Variants in THAP10 observed in about 807,000 individuals in gnomAD.
The protein encoded by THAP10 is THAP domain-containing protein 10.
THAP10 carries 10 observed loss-of-function variants against 15.7 expected under a neutral mutation model. The ratio of observed to expected loss-of-function variants is 0.64; its 90% CI spans 0.39 to 1.08. THAP10 has a LOEUF of 1.08. THAP10 is among the 50% of genes least tolerant of loss of function. The probability of loss-of-function intolerance (pLI) is 0.01; values close to 1 mark genes in which losing one functional copy is unlikely to be tolerated. For missense variants in THAP10, 310 were observed against 330.9 expected, an observed-to-expected ratio of 0.94 and a Z score of 0.49; for synonymous variants, 127 against 129.1, an observed-to-expected ratio of 0.98 and a Z score of 0.11.
chr15:70,883,152 A>AT (rs1193727250), intron 1 of THAP10, among the ~76,000 whole-genome samples: 1 of 152,114 alleles, frequency 6.6e-6, no homozygotes, highest in African/African-American at 2.4e-5. Flanking sequence ...ATTTGCTTAC[A>AT]ACTAATTTTT....
chr15:70,888,112 T>A (rs2033458360), intron 1 of THAP10, among the ~76,000 whole-genome samples: 2 of 152,164 alleles, frequency 1.3e-5, no homozygotes, highest in Non-Finnish European at 2.9e-5. Context: ...TTTATTCCCA[T>A]ATTCATTTAT....
intron 1 of THAP10, among the ~76,000 whole-genome samples, chr15:70,884,777 AT>A (rs2033361836): frequency 6.6e-6 from 1 of 152,216 alleles, no homozygotes; most frequent in African/African-American, 2.4e-5. Context: ...GGTTAAAAAA[AT>A]AACTTTTATT....
Position 70,882,458 on chromosome 15 carries a change from CAT to C in THAP10, c.768_769del (p.Cys257LeufsTer9). The stretch of plus-strand genomic sequence containing the variant: ...AGAGCATTTGATGTTGAGTTTTTAA[CAT>C]GTTTCTTCTTTCACCTGTACAGCCA... On this transcript the variant is annotated frameshift_variant, in exon 3 of 3. Transcript: ENST00000249861. LOFTEE classifies it high-confidence loss of function. The C allele has an allele frequency of 1.2e-6, 2 of 1,606,926 alleles. No homozygotes were observed. Among genetic ancestry groups the C allele is most frequent in the Non-Finnish European group, 1.7e-6 (2 of 1,176,676 alleles).
intron 1 of THAP10, among the ~76,000 whole-genome samples, chr15:70,885,373 C>A (rs1283154175): frequency 6.6e-6 from 1 of 152,110 alleles, no homozygotes; most frequent in African/African-American, 2.4e-5. Flanking sequence ...CATGCCTTTA[C>A]AAAAGTACTA....
At chr15:70,886,758 C>T (rs1201503171) in intron 1 of THAP10, among the ~76,000 whole-genome samples, 4 of 151,828 alleles carry the variant, frequency 2.6e-5, no homozygotes, top group South Asian at 2.1e-4. Flanking sequence ...CCCAGCTACT[C>T]GGGAGGCTGA....
At position 70,892,045 on chromosome 15, in the gene THAP10, G is replaced by A; in HGVS notation, c.228C>T (p.Ser76=). 1.2e-6 allele frequency: 2 copies of A among 1,613,574 alleles called. No individual in the cohort carries two copies. The highest frequency in any genetic ancestry group is 1.7e-4 in the Middle Eastern group (1 of 6,060). The change falls in exon 1 of 3, where the codon TCC becomes TCT. Residue 76 remains serine (S), a synonymous_variant. Coordinates refer to ENST00000249861, the MANE Select transcript of THAP10 (RefSeq NM_020147.4). ...CGCCTGCCACCAGCCTCAGGCGCTG[G>A]GAGAAGCGCAGGTTCTTCTGGATAA... The part of the protein sequence containing the change: ...SSVIQKNLRF[S]QRLRLVAGAV...
At chr15:70,887,627 A>G (rs2033445682) in intron 1 of THAP10, among the ~76,000 whole-genome samples, 2 of 152,202 alleles carry the variant, frequency 1.3e-5, no homozygotes, top group Admixed American at 1.3e-4. Flanking sequence ...ATAAAAAACT[A>G]TAGTAAAAAT....
intron 1 of THAP10, among the ~76,000 whole-genome samples, chr15:70,883,954 C>A (rs146870785): frequency 6.6e-6 from 1 of 151,970 alleles, no homozygotes; most frequent in African/African-American, 2.4e-5. Context: ...TTGTGCCAGG[C>A]GGTGAAATTT....
chr15:70,891,918 T>C lies in THAP10; in HGVS notation c.355A>G (p.Arg119Gly), dbSNP rs1486087152. Residue 119 changes from arginine to glycine, a missense_variant, in exon 1 of 3, where the codon AGG (arginine) becomes GGG (glycine). Physicochemically the swap from Arg to Gly is moderately radical, Grantham distance 125. Transcript: ENST00000249861. The stretch of plus-strand genomic sequence containing the variant: ...GGACCTGGGGCAGCCTCAGAATGCC[T>C]GGCTGCCTGGAGCTCTCCTCGCGTG... ...LDTRGELQAA[R>G]HSEAAPGPVS... 1.2e-6 allele frequency: 2 copies of C among 1,613,688 alleles called. No homozygotes were observed. Among genetic ancestry groups the C allele is most frequent in the African/African-American group, 2.7e-5 (2 of 74,918 alleles).
intron 1 of THAP10, among the ~76,000 whole-genome samples, chr15:70,883,473 C>T (rs988418092): frequency 5.6e-4 from 85 of 152,056 alleles, no homozygotes; most frequent in African/African-American, 2.0e-3. Context: ...GGTTTACAGG[C>T]GTGAGGCACC....
In THAP10 at chr15:70,882,815, G is replaced by T. The variant is rs756793161; in HGVS notation, c.523C>A (p.Pro175Thr). ...TSVPTHCEEG[P>T]VHKSTQISLK... is the part of the protein sequence containing the mutation. ...GAAATTTGTGTACTTTTATGCACTG[G>T]GCCTTCTTCACAGTGAGTAGGTACT... Residue 175 changes from proline to threonine, a missense_variant, in exon 2 of 3, where the codon CCA becomes ACA. Physicochemically the swap from Pro to Thr is conservative, Grantham distance 38 (BLOSUM62 -1). Transcript: ENST00000249861. 4 of 1,614,016 alleles carry T rather than the reference G, an allele frequency of 2.5e-6. No individual in the cohort carries two copies. In the South Asian group the frequency reaches 3.3e-5, roughly 13 times the overall value.
Position 70,882,645 on chromosome 15 carries a change from G to A in THAP10, c.583C>T (p.Gln195Ter). 5 of 1,613,554 alleles carry A rather than the reference G, an allele frequency of 3.1e-6. No homozygotes were observed. The highest frequency in any genetic ancestry group is 3.3e-4 in the Middle Eastern group (2 of 6,054). The change falls in exon 3 of 3, where the codon CAA (glutamine) becomes TAA (stop). Residue 195 changes from glutamine (Q) to a stop codon, truncating the protein, a stop_gained. Transcript: ENST00000249861. LOFTEE classifies it low-confidence loss of function (END_TRUNC). ...TTTCCAAACGCTTTCACTTTGGCTT[G>A]AATACCTGAAAGAGAATAAGCATAA... Reference protein sequence around the residue: ...KRPRHRSVGIQAKVKAFGKRL... With the variant: ...KRPRHRSVGI
At position 70,891,567 on chromosome 15, in the gene THAP10, C is replaced by CTGTGTGTGTGTG. The variant is rs3220843; in HGVS notation, c.429+265_429+276dup. Among the ~76,000 whole-genome samples, 1,027 of 137,062 alleles carry CTGTGTGTGTGTG rather than the reference C, an allele frequency of 7.5e-3. 11 individuals are homozygous for CTGTGTGTGTGTG. Among genetic ancestry groups the CTGTGTGTGTGTG allele is most frequent in the Admixed American group, 0.018 (242 of 13,162 alleles). The allele number at this position is 137,062 out of a possible 152,430, so 89.9% of individuals were successfully genotyped here. ...ACTCACTACTCTGCAGGACAAGACT[C>CTGTGTGTGTGTG]TGTGTGTGTGTGTGTGTGTGTGTGT... On this transcript the variant is annotated intron_variant, in intron 1 of 2. Transcript: ENST00000249861.
rs2033283606 is a variant in THAP10, at chr15:70,882,347, CAA to C, written c.*105_*106del. The C allele has an allele frequency of 9.5e-7, 1 of 1,054,954 alleles. No homozygotes were observed. The highest frequency in any genetic ancestry group is 2.3e-5 in the Admixed American group (1 of 43,354). The allele number at this position is 1,054,954 out of a possible 1,614,324, so 65.3% of individuals were successfully genotyped here. A position where few individuals can be genotyped will look rare whatever the true frequency, so the allele number is the denominator to read the frequency against. ...GAGCTAAACAAATTATGCTGATACT[CAA>C]CTGTCAAATTATCTTGAAGTGAAAG... is the stretch of plus-strand genomic sequence containing the variant. On this transcript the variant is annotated 3_prime_UTR_variant, in exon 3 of 3. Coordinates refer to ENST00000249861, the MANE Select transcript of THAP10 (RefSeq NM_020147.4).
rs754759822 is a variant in THAP10, at chr15:70,882,509, C to T, written c.719G>A (p.Ser240Asn). The change falls in exon 3 of 3, where the codon AGT (serine) becomes AAT (asparagine). Residue 240 changes from serine (S) to asparagine (N), a missense_variant. Ser to Asn is a conservative substitution (Grantham distance 46). Coordinates refer to ENST00000249861, the MANE Select transcript of THAP10 (RefSeq NM_020147.4). Reference sequence around the variant, plus strand: ...CATATAAGACAAATCACTCTGTTCACTCTTGATATCCCAGTCTGTATCTGT... The same window carrying T: ...CATATAAGACAAATCACTCTGTTCATTCTTGATATCCCAGTCTGTATCTGT... ...SETDTDWDIKSEQSDLSYMAV... is the reference protein window; with the variant it reads ...SETDTDWDIKNEQSDLSYMAV... The T allele has an allele frequency of 1.2e-6, 2 of 1,613,928 alleles. No individual in the cohort carries two copies. The highest frequency in any genetic ancestry group is 1.1e-5 in the South Asian group (1 of 91,070).
chr15:70,892,385 G>A lies in THAP10; in HGVS notation c.-113C>T, dbSNP rs1244218148. 6.5e-7 allele frequency: 1 copy of A among 1,544,992 alleles called. No homozygotes were observed. The highest frequency in any genetic ancestry group is 1.2e-5 in the South Asian group (1 of 83,214). Reference sequence around the variant, plus strand: ...CTCCCCTCCTCACCTGTCCACTCCGGGTCGGGATTGTTTCCTTCCCTACCT... The same window carrying A: ...CTCCCCTCCTCACCTGTCCACTCCGAGTCGGGATTGTTTCCTTCCCTACCT... On this transcript the variant is annotated 5_prime_UTR_variant, in exon 1 of 3. Coordinates refer to ENST00000249861, the MANE Select transcript of THAP10 (RefSeq NM_020147.4).
rs528727130 is a variant in THAP10 at position 70,882,956 on chromosome 15, G to C, written c.430-48C>G. On this transcript the variant is annotated intron_variant, in intron 1 of 2. Coordinates refer to ENST00000249861, the MANE Select transcript of THAP10 (RefSeq NM_020147.4). The stretch of plus-strand genomic sequence containing the variant: ...AAACATATTAAAGTGTACCTTATAG[G>C]ATTTTATCTTTCAAAAGTTACAAGT... 134 of 1,594,672 alleles carry C rather than the reference G, an allele frequency of 8.4e-5. 3 individuals are homozygous for C. The South Asian group carries it at 1.5e-3, about 18-fold the overall frequency.
At position 70,882,012 on chromosome 15, in the gene THAP10, G is replaced by A. The variant is rs1253005185; in HGVS notation, c.*442C>T. The A allele has an allele frequency of 1.9e-5, 3 of 154,902 alleles. No homozygotes were observed. The highest frequency in any genetic ancestry group is 4.3e-5 in the Non-Finnish European group (3 of 69,872). 9.6% of individuals were successfully genotyped at this position (154,902 alleles called of 1,614,324 possible). ...CCTGGCTTCACTACCAAATCATTTA[G>A]TAGTGTCAGGCTTGGCTGTGCTCAC... On this transcript the variant is annotated 3_prime_UTR_variant, in exon 3 of 3. Transcript: ENST00000249861.
intron 1 of THAP10, 113 bp from the exon 2 acceptor site, chr15:70,883,021 G>T: frequency 2.0e-6 from 2 of 1,011,690 alleles, no homozygotes; most frequent in Non-Finnish European, 2.9e-6. Context: ...TCACATATTA[G>T]TAAGGCTGAT....
Sources: gnomAD v4.1 joint callset for allele counts (sites outside exome capture counted in the v4.1 genomes callset) on GRCh38, gnomAD v4.1.1 for gene constraint, MANE v1.5 for transcripts, NCBI Gene and HGNC (gene_info 2026-07-23, HGNC 2026-07-21) for gene names.